Variants in PIK3R1 observed in about 807,000 individuals in gnomAD.
PIK3R1 encodes phosphoinositide-3-kinase regulatory subunit 1, also known as phosphatidylinositol 3-kinase regulatory subunit alpha.
In PIK3R1, 29 loss-of-function variants were observed where a neutral mutation model predicts 98.0. The ratio of observed to expected loss-of-function variants is 0.30; its 90% CI spans 0.22 to 0.40. The LOEUF (loss-of-function observed/expected upper bound fraction) is 0.40. Ranked by LOEUF, PIK3R1 falls within the 10% of genes least tolerant of loss-of-function variation. The probability of loss-of-function intolerance (pLI) is 1.00; values close to 1 mark genes in which losing one functional copy is unlikely to be tolerated. For synonymous variants in PIK3R1, 282 were observed against 311.8 expected, an observed-to-expected ratio of 0.90 and a Z score of 1.01; for missense variants, 596 against 872.7, an observed-to-expected ratio of 0.68 and a Z score of 3.99.
chr5:68,247,812 C>G (rs1451468786), intron 2 of PIK3R1, among the ~76,000 whole-genome samples: 1 of 152,150 alleles, frequency 6.6e-6, no homozygotes, highest in Non-Finnish European at 1.5e-5. Context: ...ACGGGACAGG[C>G]CAGTGGTGAC....
chr5:68,279,237 A>T (rs1338212295), intron 4 of PIK3R1, among the ~76,000 whole-genome samples: 1 of 152,130 alleles, frequency 6.6e-6, no homozygotes, highest in African/African-American at 2.4e-5. Context: ...GAGGGGTGGG[A>T]CAGAGGATGG....
chr5:68,290,706 C>T, intron 7 of PIK3R1: 1 of 1,598,366 alleles, frequency 6.3e-7, no homozygotes, highest in Non-Finnish European at 8.5e-7. Flanking sequence ...TAACTGAGCT[C>T]AGCCAAGGAA....
chr5:68,296,158 C>T lies in PIK3R1; in HGVS notation c.1815-13C>T. 2 of 1,613,426 alleles carry T rather than the reference C, an allele frequency of 1.2e-6. No individual in the cohort carries two copies. The highest frequency in any genetic ancestry group is 1.7e-6 in the Non-Finnish European group (2 of 1,179,566). ...CACTCTTCATTTAGAAACTTTCTGTCCTGCCTGCCTAGCCAATATTCACTG... is the reference window on the plus strand; with the variant it reads ...CACTCTTCATTTAGAAACTTTCTGTTCTGCCTGCCTAGCCAATATTCACTG... On this transcript the variant is annotated splice_polypyrimidine_tract_variant and intron_variant, in intron 14 of 15. Coordinates refer to ENST00000521381, the MANE Select transcript of PIK3R1 (RefSeq NM_181523.3).
intron 1 of PIK3R1, among the ~76,000 whole-genome samples, chr5:68,221,887 T>C (rs1024679227): frequency 1.3e-5 from 2 of 152,220 alleles, no homozygotes; most frequent in Non-Finnish European, 2.9e-5. Context: ...ATTAGAAGGA[T>C]TGAAAGACTG....
chr5:68,296,865 T>C (rs1324457184), intron 15 of PIK3R1, among the ~76,000 whole-genome samples: 2 of 152,222 alleles, frequency 1.3e-5, no homozygotes, highest in Non-Finnish European at 2.9e-5. Context: ...TCTAAAAGTA[T>C]GTTACACTCC....
rs184592920 is a variant in PIK3R1, at chr5:68,278,809, A to G, written c.503-793A>G. On this transcript the variant is annotated intron_variant, in intron 4 of 15. Coordinates refer to ENST00000521381, the MANE Select transcript of PIK3R1 (RefSeq NM_181523.3). ...ACAAAAATTAGCCAGGCGTGGTGGT[A>G]CACACCTGTAATCCCACCTACTCAG... is the stretch of plus-strand genomic sequence containing the variant. 5.3e-4 allele frequency among the ~76,000 whole-genome samples: 81 copies of G among 152,140 alleles called. No homozygotes were observed. The Middle Eastern group carries it at 0.017, about 32-fold the overall frequency.
rs1747501345 is a variant in PIK3R1 at position 68,293,444 on chromosome 5, G to A, written c.1260G>A (p.Leu420=). 1.9e-6 allele frequency: 3 copies of A among 1,612,560 alleles called. No homozygotes were observed. Among genetic ancestry groups the A allele is most frequent in the Middle Eastern group, 1.7e-4 (1 of 6,028 alleles). ...NESLAQYNPK[L]DVKLLYPVSK... ...CTCTAGCTCAGTATAATCCCAAATT[G>A]GATGTGAAATTACTTTATCCAGTAT... Residue 420 remains leucine (L), a synonymous_variant, in exon 10 of 16, where the codon TTG becomes TTA. Transcript: ENST00000521381.
At chr5:68,248,152 G>A (rs1315245582) in intron 2 of PIK3R1, among the ~76,000 whole-genome samples, 2 of 151,948 alleles carry the variant, frequency 1.3e-5, no homozygotes, top group Admixed American at 6.6e-5. Context: ...GCTAATTTTT[G>A]TATTTTTAGT....
intron 4 of PIK3R1, among the ~76,000 whole-genome samples, chr5:68,277,574 A>G (rs568994242): frequency 1.0e-3 from 152 of 152,266 alleles, no homozygotes; most frequent in Middle Eastern, 3.4e-3. Context: ...GTTTATGATG[A>G]TATGTCCAAG....
chr5:68,283,106 C>T (rs1746918006), intron 7 of PIK3R1, among the ~76,000 whole-genome samples: 1 of 152,198 alleles, frequency 6.6e-6, no homozygotes, highest in African/African-American at 2.4e-5. Context: ...TCTTAGAGTC[C>T]TTCAGCATTG....
chr5:68,238,892 A>T (rs1744769600), intron 2 of PIK3R1, among the ~76,000 whole-genome samples: 1 of 152,180 alleles, frequency 6.6e-6, no homozygotes, highest in Non-Finnish European at 1.5e-5. Flanking sequence ...GAATAATGTT[A>T]AAGTACCTTG....
At chr5:68,267,267 C>G (rs1202443700) in intron 2 of PIK3R1, among the ~76,000 whole-genome samples, 1 of 152,192 alleles carries the variant, frequency 6.6e-6, no homozygotes, top group Non-Finnish European at 1.5e-5. Context: ...CCTCCTAACT[C>G]TGAGGCTTTA....
chr5:68,223,245 G>GC lies in PIK3R1; in HGVS notation c.-386-3044dup, dbSNP rs557494709. ...AATGACAGACGTCAAAATGGACATG[G>GC]CAGTCAGGAGAAAGTGTACAATGTG... On this transcript the variant is annotated intron_variant, in intron 1 of 15. Transcript: ENST00000521381. Among the ~76,000 whole-genome samples, 321 of 152,078 alleles carry GC rather than the reference G, an allele frequency of 2.1e-3. 2 individuals carry two copies. The highest frequency in any genetic ancestry group is 7.5e-3 in the African/African-American group (309 of 41,458).
Position 68,263,153 on chromosome 5 carries a change from G to GTACATATATCTACATATATATCTATATA in PIK3R1, c.335-10206_335-10179dup, listed in dbSNP as rs1248820159. 5.9e-4 allele frequency among the ~76,000 whole-genome samples: 83 copies of GTACATATATCTACATATATATCTATATA among 139,892 alleles called. 3 individuals carry two copies. In the East Asian group the frequency reaches 9.9e-3, roughly 17 times the overall value. 91.8% of individuals were successfully genotyped at this position (139,892 alleles called of 152,430 possible). A position where few individuals can be genotyped will look rare whatever the true frequency, so the allele number is the denominator to read the frequency against. On this transcript the variant is annotated intron_variant, in intron 2 of 15. Transcript: ENST00000521381. Reference sequence around the variant, plus strand: ...CATAGATACATATATATTTATATATGTACATATATCTACATATATATCTAT... The same window carrying GTACATATATCTACATATATATCTATATA: ...CATAGATACATATATATTTATATATGTACATATATCTACATATATATCTATATATACATATATCTACATATATATCTAT...
At position 68,229,716 on chromosome 5, in the gene PIK3R1, G is replaced by A. The variant is rs559550246; in HGVS notation, c.334+2707G>A. On this transcript the variant is annotated intron_variant, in intron 2 of 15. Coordinates refer to ENST00000521381, the MANE Select transcript of PIK3R1 (RefSeq NM_181523.3). ...GTCCTTAGACTCTGGCCAAGAGTACGTTCTGTGAGAGATTCCTCCCTGTAC... is the reference window on the plus strand; with the variant it reads ...GTCCTTAGACTCTGGCCAAGAGTACATTCTGTGAGAGATTCCTCCCTGTAC... 5.3e-5 allele frequency among the ~76,000 whole-genome samples: 8 copies of A among 152,300 alleles called. No homozygotes were observed. The East Asian group carries it at 5.8e-4, about 11-fold the overall frequency.
intron 2 of PIK3R1, among the ~76,000 whole-genome samples, chr5:68,236,373 C>A (rs985342238): frequency 6.6e-6 from 1 of 152,058 alleles, no homozygotes; most frequent in Non-Finnish European, 1.5e-5. Context: ...TCTCAGCCTC[C>A]CGAGTAGCTG....
intron 7 of PIK3R1, among the ~76,000 whole-genome samples, chr5:68,289,811 A>G: frequency 6.8e-6 from 1 of 146,538 alleles, no homozygotes; most frequent in South Asian, 2.2e-4. Context: ...TTCCCGTTCA[A>G]GCAGTATTAG....
At position 68,255,227 on chromosome 5, in the gene PIK3R1, C is replaced by A. The variant is rs148185033; in HGVS notation, c.335-18163C>A. Among the ~76,000 whole-genome samples the A allele has an allele frequency of 6.5e-3, 987 of 152,260 alleles. 6 individuals carry two copies. The highest frequency in any genetic ancestry group is 0.023 in the African/African-American group (937 of 41,538). On this transcript the variant is annotated intron_variant, in intron 2 of 15. Transcript: ENST00000521381. Reference sequence around the variant, plus strand: ...CAAAGTACTCACTTTTTGGTCCTCTCAAAATTTTTGTCAGATAAAGATTTT... The same window carrying A: ...CAAAGTACTCACTTTTTGGTCCTCTAAAAATTTTTGTCAGATAAAGATTTT...
rs755300178 is a variant in PIK3R1 at position 68,273,996 on chromosome 5, G to T, written c.485G>T (p.Arg162Leu). The T allele has an allele frequency of 2.8e-5, 45 of 1,613,608 alleles. No homozygotes were observed. Among genetic ancestry groups the T allele is most frequent in the Non-Finnish European group, 3.6e-5 (43 of 1,179,650 alleles). Residue 162 changes from arginine (R) to leucine (L), a missense_variant, in exon 4 of 16, where the codon CGA (arginine) becomes CTA (leucine). Coordinates refer to ENST00000521381, the MANE Select transcript of PIK3R1 (RefSeq NM_181523.3). The part of the protein sequence containing the change: ...TQSSSNLAEL[R>L]QLLDCDTPSV... ...AGCTCCAGCAACCTGGCAGAATTAC[G>T]ACAGCTTCTTGATTGTGGTGAGTGT...
Sources: allele counts gnomAD v4.1 joint callset (sites outside exome capture counted in the v4.1 genomes callset), GRCh38; gene constraint gnomAD v4.1.1; transcripts MANE v1.5; gene names NCBI Gene and HGNC (gene_info 2026-07-23, HGNC 2026-07-21).